Variants in CRACD observed in about 807,000 individuals in gnomAD.
The protein encoded by CRACD is capping protein inhibiting regulator of actin dynamics, also known as capping protein-inhibiting regulator of actin dynamics.
A neutral mutation model predicts 106.8 loss-of-function variants in CRACD; 56 were observed. The observed-to-expected ratio is 0.52, with a 90% CI of 0.42 to 0.66. CRACD has a LOEUF of 0.66. Ranked by LOEUF, CRACD falls within the 30% of genes least tolerant of loss-of-function variation. The pLI is 0.00. For missense variants in CRACD, 1,730 were observed against 1,623.2 expected, an observed-to-expected ratio of 1.07 and a Z score of -1.13; for synonymous variants, 754 against 670.8, an observed-to-expected ratio of 1.12 and a Z score of -1.92.
chr4:56,250,714 G>A (rs995781880), intron 2 of CRACD, among the ~76,000 whole-genome samples: 1 of 152,150 alleles, frequency 6.6e-6, no homozygotes, highest in African/African-American at 2.4e-5. Context: ...TCAGCTCTCT[G>A]AGCTTCCATT....
chr4:56,280,403 CCTTT>C (rs1446858621), intron 3 of CRACD, among the ~76,000 whole-genome samples: 2 of 152,190 alleles, frequency 1.3e-5, no homozygotes, highest in African/African-American at 2.4e-5. Flanking sequence ...CCACCTCCTT[CCTTT>C]GTCTAATTCC....
intron 2 of CRACD, among the ~76,000 whole-genome samples, chr4:56,261,435 C>G (rs1471774131): frequency 6.6e-6 from 1 of 151,190 alleles, no homozygotes; most frequent in South Asian, 2.1e-4. Flanking sequence ...TCAGCAACCT[C>G]TGCCTCCTGG....
chr4:56,114,202 T>TAGA (rs1402626797), intron 1 of CRACD, among the ~76,000 whole-genome samples: 3 of 151,280 alleles, frequency 2.0e-5, no homozygotes, highest in African/African-American at 4.8e-5. Flanking sequence ...GCCCGGTTCT[T>TAGA]ACGCTTGTCA....
At position 56,328,290 on chromosome 4, in the gene CRACD, AC is replaced by A; in HGVS notation, c.*489del. On this transcript the variant is annotated 3_prime_UTR_variant, in exon 11 of 11. Coordinates refer to ENST00000682029, the MANE Select transcript of CRACD (RefSeq NM_001393381.1). The stretch of plus-strand genomic sequence containing the variant: ...ATCATATCTAGCTAAAAGCAAGAAC[AC>A]CCATTCTCCTGAATGCAGTGAGTAA... The A allele has an allele frequency of 1.9e-6, 1 of 517,674 alleles. No individual in the cohort carries two copies. The highest frequency in any genetic ancestry group is 3.9e-6 in the Non-Finnish European group (1 of 259,276). 32.1% of individuals were successfully genotyped at this position (517,674 alleles called of 1,614,324 possible).
chr4:56,271,731 T>C (rs1742357900), intron 2 of CRACD, among the ~76,000 whole-genome samples: 1 of 152,120 alleles, frequency 6.6e-6, no homozygotes, highest in Non-Finnish European at 1.5e-5. Context: ...TCTTTTCTTT[T>C]TCTTTTTTAT....
chr4:56,258,264 G>T (rs978206655), intron 2 of CRACD, among the ~76,000 whole-genome samples: 1 of 152,016 alleles, frequency 6.6e-6, no homozygotes, highest in African/African-American at 2.4e-5. Context: ...GAAAATCTTT[G>T]AATCCACCTA....
rs755289733 is a variant in CRACD at position 56,315,190 on chromosome 4, A to G, written c.1688A>G (p.Asp563Gly). The G allele has an allele frequency of 8.1e-6, 13 of 1,595,574 alleles. No homozygotes were observed. In the Admixed American group the frequency reaches 2.3e-4, roughly 28 times the overall value. Residue 563 changes from aspartate (D) to glycine (G), a missense_variant, in exon 8 of 11, where the codon GAC becomes GGC. Coordinates refer to ENST00000682029, the MANE Select transcript of CRACD (RefSeq NM_001393381.1). This position sits in a 1 kb window ranked among gnomAD's most constrained non-coding sequence, Gnocchi z 4.1. ...CTGAGCCCCGTGACGCCCGCAAAGGACACGGGGCTCACCGCTGCTCCCCAG... is the reference window on the plus strand; with the variant it reads ...CTGAGCCCCGTGACGCCCGCAAAGGGCACGGGGCTCACCGCTGCTCCCCAG... ...VNLSPVTPAK[D>G]TGLTAAPQEP...
intron 2 of CRACD, among the ~76,000 whole-genome samples, chr4:56,217,674 GTC>G (rs1228059835): frequency 6.6e-6 from 1 of 152,168 alleles, no homozygotes; most frequent in Non-Finnish European, 1.5e-5. Flanking sequence ...CAGTATTAAA[GTC>G]TCTGTTTTAA....
intron 3 of CRACD, among the ~76,000 whole-genome samples, chr4:56,275,090 T>G (rs1742602348): frequency 6.6e-6 from 1 of 152,116 alleles, no homozygotes; most frequent in Non-Finnish European, 1.5e-5. Context: ...TGAGAACTCA[T>G]GACACAAAGA....
intron 2 of CRACD, among the ~76,000 whole-genome samples, chr4:56,235,232 G>A (rs113585514): frequency 5.7e-4 from 87 of 152,306 alleles, no homozygotes; most frequent in African/African-American, 2.0e-3. Flanking sequence ...TCTTGGGGGT[G>A]TTTGTCAAGT....
intron 2 of CRACD, among the ~76,000 whole-genome samples, chr4:56,236,790 A>T (rs745600865): frequency 1.3e-5 from 2 of 152,158 alleles, no homozygotes; most frequent in African/African-American, 2.4e-5. Context: ...GAGAAAAGTT[A>T]AAAAGCCAAC....
intron 1 of CRACD, among the ~76,000 whole-genome samples, chr4:56,130,233 C>A (rs1206322425): frequency 6.6e-6 from 1 of 152,126 alleles, no homozygotes; most frequent in Non-Finnish European, 1.5e-5. Context: ...AACTGTACTT[C>A]AGCCTGGGTG....
intron 1 of CRACD, among the ~76,000 whole-genome samples, chr4:56,051,813 A>G (rs1189218846): frequency 1.3e-5 from 2 of 152,232 alleles, no homozygotes; most frequent in East Asian, 1.9e-4. Flanking sequence ...TTCTCGAGGC[A>G]GGTGATTGAA....
chr4:56,323,589 T>A (rs766697922), intron 9 of CRACD, 22 bp downstream of exon 9: 9 of 1,517,840 alleles, frequency 5.9e-6, no homozygotes, highest in Non-Finnish European at 6.1e-6. Flanking sequence ...GGGCTTCAGC[T>A]GTGATTTTGC....
intron 2 of CRACD, among the ~76,000 whole-genome samples, chr4:56,191,119 T>TTTTCC (rs1346863931): frequency 6.6e-6 from 1 of 152,164 alleles, no homozygotes; most frequent in East Asian, 1.9e-4. Flanking sequence ...ACCTTGATAA[T>TTTTCC]TTTCCTAGAA....
At position 56,188,154 on chromosome 4, in the gene CRACD, A is replaced by G. The variant is rs367657225; in HGVS notation, c.-189+8724A>G. Among the ~76,000 whole-genome samples the G allele has an allele frequency of 2.4e-4, 37 of 152,326 alleles. No individual in the cohort carries two copies. In the South Asian group the frequency reaches 7.0e-3, roughly 29 times the overall value. On this transcript the variant is annotated intron_variant, in intron 2 of 10. Transcript: ENST00000682029. ...CAGAAAAACATCCCCCAAAAGGAGC[A>G]TTTAAAACAGAACTTAAATTTTATA...
At chr4:56,252,128 C>G (rs1741090701) in intron 2 of CRACD, among the ~76,000 whole-genome samples, 1 of 152,218 alleles carries the variant, frequency 6.6e-6, no homozygotes, top group Non-Finnish European at 1.5e-5. Flanking sequence ...GCAAGGTTCA[C>G]TAAATGGGCT....
At chr4:56,294,863 G>C (rs1185613377) in intron 3 of CRACD, among the ~76,000 whole-genome samples, 1 of 136,708 alleles carries the variant, frequency 7.3e-6, no homozygotes, top group Non-Finnish European at 1.5e-5. Context: ...ACACTAAGCC[G>C]AGATCATGCC....
At chr4:56,294,913 C>CAAAAAAAAAAAAAAAA (rs56200534) in intron 3 of CRACD, among the ~76,000 whole-genome samples, 23 of 72,124 alleles carry the variant, frequency 3.2e-4, no homozygotes, top group East Asian at 9.9e-4. Context: ...GACCTTGTCT[C>CAAAAAAAAAAAAAAAA]AAAAAAAAAA....
Sources: allele counts gnomAD v4.1 joint callset (sites outside exome capture counted in the v4.1 genomes callset), GRCh38; gene constraint gnomAD v4.1.1; non-coding constraint Gnocchi (gnomAD v3.1); transcripts MANE v1.5; gene names NCBI Gene and HGNC (gene_info 2026-07-23, HGNC 2026-07-21).